FHOD3: variants seen among roughly 807,000 people sequenced by gnomAD.
The protein encoded by FHOD3 is FH1/FH2 domain-containing protein 3.
Under a neutral mutation model 173.0 loss-of-function variants are expected in FHOD3, and 90 were observed. That is an observed-to-expected ratio of 0.52 (90% confidence interval 0.44 to 0.62). FHOD3 has a LOEUF of 0.62. Among genes scored for constraint, FHOD3 ranks in the 20% least tolerant of loss-of-function variants. The probability of loss-of-function intolerance (pLI) is 0.00; values close to 1 mark genes in which losing one functional copy is unlikely to be tolerated. For synonymous variants in FHOD3, 828 were observed against 823.0 expected (o/e 1.01, Z -0.10); for missense variants, 1,945 against 2,034.7 (o/e 0.96, Z 0.85).
At chr18:36,549,144 G>T (rs1340540066) in intron 5 of FHOD3, among the ~76,000 whole-genome samples, 3 of 152,024 alleles carry the variant, frequency 2.0e-5, no homozygotes, top group African/African-American at 7.2e-5. Context: ...TACCTCACTG[G>T]GGTTTTAATT....
intron 5 of FHOD3, among the ~76,000 whole-genome samples, chr18:36,523,525 T>G (rs1478506176): frequency 6.6e-6 from 1 of 152,238 alleles, no homozygotes; most frequent in South Asian, 2.1e-4. Flanking sequence ...GTCAGTAGCT[T>G]CAGAGCTGAA....
In FHOD3 at chr18:36,324,293, G is replaced by A. The variant is rs1229364779; in HGVS notation, c.165+26293G>A. On this transcript the variant is annotated intron_variant, in intron 1 of 28. Coordinates refer to ENST00000590592, the MANE Select transcript of FHOD3 (RefSeq NM_001281740.3). ...AATAAAGCCCCTAGGAGATAACAAA[G>A]GAAAATATATTTACAACTTTGAGAA... Among the ~76,000 whole-genome samples, 11 of 152,146 alleles carry A rather than the reference G, an allele frequency of 7.2e-5. No homozygotes were observed. In the East Asian group the frequency reaches 2.1e-3, roughly 29 times the overall value.
chr18:36,475,976 T>G (rs1376103211), intron 3 of FHOD3, among the ~76,000 whole-genome samples: 1 of 152,130 alleles, frequency 6.6e-6, no homozygotes, highest in East Asian at 1.9e-4. Flanking sequence ...TACTAGGTAT[T>G]TTAGGAAAAA....
intron 4 of FHOD3, among the ~76,000 whole-genome samples, chr18:36,508,944 C>T (rs981343455): frequency 6.6e-5 from 10 of 152,224 alleles, no homozygotes; most frequent in Admixed American, 2.6e-4. Flanking sequence ...TTACATGCCT[C>T]CCAGTGGAAA....
Position 36,474,986 on chromosome 18 carries a change from TACACACACACACACACACACAC to T in FHOD3, c.338-26919_338-26898del, listed in dbSNP as rs3056805. Among the ~76,000 whole-genome samples the T allele has an allele frequency of 3.2e-3, 345 of 108,104 alleles. 3 individuals are homozygous for T. Among genetic ancestry groups the T allele is most frequent in the African/African-American group, 0.012 (332 of 28,712 alleles). The allele number at this position is 108,104 out of a possible 152,430, so 70.9% of individuals were successfully genotyped here. On this transcript the variant is annotated intron_variant, in intron 3 of 28. Coordinates refer to ENST00000590592, the MANE Select transcript of FHOD3 (RefSeq NM_001281740.3). ...TTTGAAGAGGTTGAAAATACACACA[TACACACACACACACACACACAC>T]ACACACACACACACACACACACACA...
intron 5 of FHOD3, among the ~76,000 whole-genome samples, chr18:36,520,283 A>T (rs2056210052): frequency 6.6e-6 from 1 of 152,110 alleles, no homozygotes; most frequent in Non-Finnish European, 1.5e-5. Flanking sequence ...ATTTTTCTTA[A>T]GTATAAGTTA....
chr18:36,462,261 C>T (rs935833415), intron 3 of FHOD3, among the ~76,000 whole-genome samples: 1 of 151,900 alleles, frequency 6.6e-6, no homozygotes, highest in African/African-American at 2.4e-5. Flanking sequence ...AGTAGCTTTC[C>T]CTCCAGCTAC....
At chr18:36,438,300 T>G (rs1368872497) in intron 3 of FHOD3, among the ~76,000 whole-genome samples, 1 of 152,192 alleles carries the variant, frequency 6.6e-6, no homozygotes, top group Non-Finnish European at 1.5e-5. Flanking sequence ...GGAGTGTGCT[T>G]GCAGGTTACC....
At chr18:36,735,420 T>A (rs1021152704) in intron 20 of FHOD3, among the ~76,000 whole-genome samples, 7 of 152,236 alleles carry the variant, frequency 4.6e-5, no homozygotes, top group African/African-American at 7.2e-5. Context: ...TTTGCATTTA[T>A]GGTTGAATTT....
intron 10 of FHOD3, among the ~76,000 whole-genome samples, chr18:36,645,567 T>C (rs1200097926): frequency 6.6e-6 from 1 of 152,142 alleles, no homozygotes; most frequent in Non-Finnish European, 1.5e-5. Context: ...GTTACATAAT[T>C]CTCAATCCCT....
At chr18:36,392,130 C>T (rs561633987) in intron 3 of FHOD3, among the ~76,000 whole-genome samples, 3 of 152,306 alleles carry the variant, frequency 2.0e-5, no homozygotes, top group Non-Finnish European at 4.4e-5. Flanking sequence ...TGACCTTGAG[C>T]AGGCGATTTC....
chr18:36,534,724 G>A (rs1042753918), intron 5 of FHOD3, among the ~76,000 whole-genome samples: 19 of 152,280 alleles, frequency 1.2e-4, no homozygotes, highest in Non-Finnish European at 2.2e-4. Flanking sequence ...GTAGAGGACT[G>A]AATCTGTTCT....
chr18:36,718,020 A>C lies in FHOD3; in HGVS notation c.2722A>C (p.Arg908=), dbSNP rs1043314255. ...EAEAVASLAT[R]ISTLQANSQT... is the part of the protein sequence containing the mutation. ...AGAGGCGGTAGCCAGCCTTGCTACCAGGATATCCACCCTGCAGGCCAACTC... is the reference window on the plus strand; with the variant it reads ...AGAGGCGGTAGCCAGCCTTGCTACCCGGATATCCACCCTGCAGGCCAACTC... Residue 908 remains arginine, a synonymous_variant, in exon 19 of 29, where the codon AGG becomes CGG. Transcript: ENST00000590592. 5 of 1,608,518 alleles carry C rather than the reference A, an allele frequency of 3.1e-6. No homozygotes were observed. Among genetic ancestry groups the C allele is most frequent in the Non-Finnish European group, 4.2e-6 (5 of 1,177,294 alleles).
intron 3 of FHOD3, among the ~76,000 whole-genome samples, chr18:36,450,065 C>T (rs539683472): frequency 1.3e-5 from 2 of 152,222 alleles, no homozygotes; most frequent in Admixed American, 6.5e-5. Flanking sequence ...TTTTATCCCT[C>T]ACCCCGCTCC....
At chr18:36,553,525 A>G (rs533486706) in intron 5 of FHOD3, among the ~76,000 whole-genome samples, 214 of 152,274 alleles carry the variant, frequency 1.4e-3, no homozygotes, top group African/African-American at 5.0e-3. Context: ...CAGGGATTCA[A>G]CTTCTCCTGG....
At chr18:36,331,028 A>G (rs1297710521) in intron 1 of FHOD3, among the ~76,000 whole-genome samples, 1 of 152,176 alleles carries the variant, frequency 6.6e-6, no homozygotes, top group African/African-American at 2.4e-5. Flanking sequence ...GATGATAGCC[A>G]GATCCCACCT....
chr18:36,418,792 G>T (rs1265937478), intron 3 of FHOD3, among the ~76,000 whole-genome samples: 1 of 152,072 alleles, frequency 6.6e-6, no homozygotes, highest in Non-Finnish European at 1.5e-5. Context: ...GTGTGTGCCT[G>T]TAGCTCTAAC....
At chr18:36,709,001 A>C in intron 17 of FHOD3, 94 bp from the exon 18 acceptor site, 4 of 1,455,986 alleles carry the variant, frequency 2.7e-6, no homozygotes, top group Non-Finnish European at 3.8e-6. Context: ...ACATCTGTCC[A>C]CCACAGAGAA....
At chr18:36,722,391 C>A (rs1334298391) in intron 19 of FHOD3, among the ~76,000 whole-genome samples, 1 of 152,150 alleles carries the variant, frequency 6.6e-6, no homozygotes, top group Non-Finnish European at 1.5e-5. Context: ...AAGTTACAGC[C>A]AGACCAAAAC....
Sources: gnomAD v4.1 joint callset for allele counts (sites outside exome capture counted in the v4.1 genomes callset) on GRCh38, gnomAD v4.1.1 for gene constraint, MANE v1.5 for transcripts, NCBI Gene and HGNC (gene_info 2026-07-23, HGNC 2026-07-21) for gene names.